TMEM132B: variants seen among roughly 807,000 people sequenced by gnomAD.
TMEM132B encodes the protein transmembrane protein 132B.
A neutral mutation model predicts 90.8 loss-of-function variants in TMEM132B; 18 were observed. That is an observed-to-expected ratio of 0.20 (90% CI 0.14 to 0.29). The LOEUF is 0.29. Ranked by LOEUF, TMEM132B falls within the 10% of genes least tolerant of loss-of-function variation. The pLI is 1.00. For synonymous variants in TMEM132B, 504 were observed against 523.3 expected, an observed-to-expected ratio of 0.96 and a Z score of 0.50; for missense variants, 1,096 against 1,326.8, an observed-to-expected ratio of 0.83 and a Z score of 2.70.
chr12:125,505,181 A>AAAC (rs1555254110), intron 3 of TMEM132B, among the ~76,000 whole-genome samples: 3 of 144,800 alleles, frequency 2.1e-5, no homozygotes, highest in Non-Finnish European at 4.5e-5. Flanking sequence ...AAAAAAAAAA[A>AAAC]AAAAAAAAAA....
intron 5 of TMEM132B, among the ~76,000 whole-genome samples, chr12:125,606,538 C>T (rs1885701021): frequency 6.6e-6 from 1 of 152,184 alleles, no homozygotes. Context: ...TGAGTGTATG[C>T]ATGTTTGTAT....
Position 125,650,470 on chromosome 12 carries a change from A to G in TMEM132B, c.1644-213A>G, listed in dbSNP as rs1027402032. On this transcript the variant is annotated intron_variant, in intron 6 of 8. Coordinates refer to ENST00000682704, the MANE Select transcript of TMEM132B (RefSeq NM_001366854.1). ...CAGGAAGGCAGGAGCTGCCCTTGCC[A>G]TTCTTGTTGCAAGCAGAAAGCACAT... Among the ~76,000 whole-genome samples, 3 of 152,140 alleles carry G rather than the reference A, an allele frequency of 2.0e-5. No homozygotes were observed. The South Asian group carries it at 6.2e-4, about 32-fold the overall frequency.
chr12:125,451,783 G>T (rs977619532), intron 3 of TMEM132B, among the ~76,000 whole-genome samples: 1 of 152,222 alleles, frequency 6.6e-6, no homozygotes, highest in Non-Finnish European at 1.5e-5. Flanking sequence ...TCTCCAGAGA[G>T]AATTTATGAA....
At chr12:125,429,311 T>A (rs1880426963) in intron 3 of TMEM132B, among the ~76,000 whole-genome samples, 1 of 152,028 alleles carries the variant, frequency 6.6e-6, no homozygotes. Context: ...GCAATCCTCC[T>A]GCCTCAGCTT....
At chr12:125,419,393 A>T (rs1880111008) in intron 3 of TMEM132B, among the ~76,000 whole-genome samples, 1 of 152,246 alleles carries the variant, frequency 6.6e-6, no homozygotes. Context: ...CTGAAGGCGA[A>T]TAAGGAGCAA....
chr12:125,283,947 C>T (rs1170562180), intron 1 of TMEM132B, among the ~76,000 whole-genome samples: 1 of 152,200 alleles, frequency 6.6e-6, no homozygotes, highest in East Asian at 1.9e-4. Flanking sequence ...TTACCAAAGC[C>T]TCCAAGTGAG....
rs1158814658 is a variant in TMEM132B, at chr12:125,491,698, A to C, written c.1107-27741A>C. 2.0e-5 allele frequency among the ~76,000 whole-genome samples: 3 copies of C among 152,182 alleles called. No individual in the cohort carries two copies. The East Asian group carries it at 5.8e-4, about 29-fold the overall frequency. On this transcript the variant is annotated intron_variant, in intron 3 of 8. Transcript: ENST00000682704. ...ATTTGCCGCTGGCCCATGTGAGCCT[A>C]ATTGAGCTTGGTCCATTAGTCAAGT...
chr12:125,517,540 A>T (rs528388757), intron 3 of TMEM132B, among the ~76,000 whole-genome samples: 4 of 151,892 alleles, frequency 2.6e-5, no homozygotes, highest in Non-Finnish European at 5.9e-5. Flanking sequence ...ATATTTGAAG[A>T]TTTATAGATC....
chr12:125,600,408 C>T (rs1885541681), intron 5 of TMEM132B, among the ~76,000 whole-genome samples: 1 of 152,144 alleles, frequency 6.6e-6, no homozygotes. Context: ...CATTACTATA[C>T]TGTGTTTATT....
intron 2 of TMEM132B, among the ~76,000 whole-genome samples, chr12:125,411,693 G>A (rs1879846655): frequency 6.6e-6 from 1 of 152,034 alleles, no homozygotes; most frequent in African/African-American, 2.4e-5. Context: ...GCTGTCTTGA[G>A]AGCTTAGCAG....
At chr12:125,369,685 A>G (rs569485444) in intron 2 of TMEM132B, among the ~76,000 whole-genome samples, 2 of 152,374 alleles carry the variant, frequency 1.3e-5, no homozygotes, top group Non-Finnish European at 1.5e-5. Flanking sequence ...AATCCTGCTG[A>G]GAGCTCAAGC....
At position 125,432,511 on chromosome 12, in the gene TMEM132B, G is replaced by GTGTATATATATATA. The variant is rs1555248848; in HGVS notation, c.1106+16835_1106+16836insGTATATATATATAT. ...TGTATGTGTATATATATGTGTGTGT[G>GTGTATATATATATA]TATATATATATATATATAGAGAGAG... On this transcript the variant is annotated intron_variant, in intron 3 of 8. Coordinates refer to ENST00000682704, the MANE Select transcript of TMEM132B (RefSeq NM_001366854.1). Among the ~76,000 whole-genome samples the GTGTATATATATATA allele has an allele frequency of 4.3e-4, 8 of 18,552 alleles. 2 individuals are homozygous for GTGTATATATATATA. The highest frequency in any genetic ancestry group is 2.6e-3 in the African/African-American group (8 of 3,104). The allele number at this position is 18,552 out of a possible 152,430, so 12.2% of individuals were successfully genotyped here. A position where few individuals can be genotyped will look rare whatever the true frequency, so the allele number is the denominator to read the frequency against.
At chr12:125,391,890 C>CT (rs1332119801) in intron 2 of TMEM132B, among the ~76,000 whole-genome samples, 1 of 152,088 alleles carries the variant, frequency 6.6e-6, no homozygotes, top group Non-Finnish European at 1.5e-5. Context: ...CCTTAGCCTC[C>CT]TGAGTAGCTG....
intron 1 of TMEM132B, among the ~76,000 whole-genome samples, chr12:125,270,589 T>C (rs1184827728): frequency 7.2e-5 from 11 of 152,164 alleles, no homozygotes; most frequent in Admixed American, 7.2e-4. Context: ...CTGTAGGCCT[T>C]GGGATTCCCT....
rs1267720756 is a variant in TMEM132B at position 125,655,605 on chromosome 12, T to TG, written c.*899dup. On this transcript the variant is annotated 3_prime_UTR_variant, in exon 9 of 9. Coordinates refer to ENST00000682704, the MANE Select transcript of TMEM132B (RefSeq NM_001366854.1). ...TTATTCTCTGCTTGTTGAAAACTCA[T>TG]GGGGAACTCCTGGAGTGCATTTCTG... The TG allele has an allele frequency of 6.6e-6, 1 of 152,216 alleles. No individual in the cohort carries two copies. Among genetic ancestry groups the TG allele is most frequent in the Non-Finnish European group, 1.5e-5 (1 of 68,038 alleles). 9.4% of individuals were successfully genotyped at this position (152,216 alleles called of 1,614,324 possible). A position where few individuals can be genotyped will look rare whatever the true frequency, so the allele number is the denominator to read the frequency against.
chr12:125,579,844 C>T (rs190429865), intron 4 of TMEM132B, among the ~76,000 whole-genome samples: 17 of 152,038 alleles, frequency 1.1e-4, no homozygotes, highest in African/African-American at 2.7e-4. Flanking sequence ...TTTTGCATGT[C>T]TCATAAGTTT....
intron 1 of TMEM132B, among the ~76,000 whole-genome samples, chr12:125,203,193 C>A (rs1269131224): frequency 6.6e-6 from 1 of 152,202 alleles, no homozygotes; most frequent in Non-Finnish European, 1.5e-5. Context: ...AGAGTGGAAG[C>A]CATCTGCCAG....
intron 3 of TMEM132B, among the ~76,000 whole-genome samples, chr12:125,442,232 C>G (rs1017700151): frequency 6.6e-6 from 1 of 152,150 alleles, no homozygotes; most frequent in Non-Finnish European, 1.5e-5. Context: ...GCTGTTACTG[C>G]CTTTGAGGAA....
At chr12:125,627,357 T>A (rs1886257929) in intron 5 of TMEM132B, among the ~76,000 whole-genome samples, 1 of 152,078 alleles carries the variant, frequency 6.6e-6, no homozygotes, top group African/African-American at 2.4e-5. Context: ...GTATGCTTTG[T>A]ACTTTTCATT....
Sources: gnomAD v4.1 joint callset for allele counts (sites outside exome capture counted in the v4.1 genomes callset) on GRCh38, gnomAD v4.1.1 for gene constraint, MANE v1.5 for transcripts, NCBI Gene and HGNC (gene_info 2026-07-23, HGNC 2026-07-21) for gene names.